The following COL5A1 variants were observed in gnomAD, a reference collection of about 807,000 sequenced individuals.
The protein encoded by COL5A1 is collagen type V alpha 1 chain.
A neutral mutation model predicts 263.7 loss-of-function variants in COL5A1; 16 were observed. The ratio of observed to expected loss-of-function variants is 0.06; its 90% CI spans 0.04 to 0.09. The LOEUF (loss-of-function observed/expected upper bound fraction) is 0.09. Ranked by LOEUF, COL5A1 falls within the 10% of genes least tolerant of loss-of-function variation. The probability of loss-of-function intolerance (pLI) is 1.00; values close to 1 mark genes in which losing one functional copy is unlikely to be tolerated. For synonymous variants in COL5A1, 1,012 were observed against 1,004.5 expected (o/e 1.01, Z -0.14); for missense variants, 2,036 against 2,540.5 (o/e 0.80, Z 4.27).
intron 1 of COL5A1, among the ~76,000 whole-genome samples, chr9:134,685,875 C>T (rs1448100809): frequency 6.6e-6 from 1 of 151,012 alleles, no homozygotes; most frequent in African/African-American, 2.4e-5. Flanking sequence ...CGTCCATCAT[C>T]CATCCATCCA....
At position 134,699,301 on chromosome 9, in the gene COL5A1, A is replaced by AT. The variant is rs532667997; in HGVS notation, c.278-601dup. ...CCTCCCGTTAACATACTAGGGATAT[A>AT]TTTTTTTCTAATTTTAAATTTGGAT... On this transcript the variant is annotated intron_variant, in intron 2 of 65. Transcript: ENST00000371817. 1.8e-4 allele frequency among the ~76,000 whole-genome samples: 27 copies of AT among 152,184 alleles called. No homozygotes were observed. In the East Asian group the frequency reaches 2.3e-3, roughly 13 times the overall value.
intron 25 of COL5A1, among the ~76,000 whole-genome samples, chr9:134,769,775 C>T (rs555156094): frequency 2.2e-3 from 331 of 151,432 alleles, no homozygotes; most frequent in South Asian, 5.5e-3. Flanking sequence ...TTTCCTTCTG[C>T]GGGGAGGAAG....
intron 19 of COL5A1, among the ~76,000 whole-genome samples, chr9:134,763,358 A>G (rs1284795966): frequency 6.6e-6 from 1 of 152,208 alleles, no homozygotes; most frequent in Non-Finnish European, 1.5e-5. Flanking sequence ...CTCTCCCCTG[A>G]TGCCCTGTCC....
At chr9:134,823,388 A>G (rs1839105159) in intron 60 of COL5A1, 28 bp from the exon 61 acceptor site, 8 of 1,613,692 alleles carry the variant, frequency 5.0e-6, no homozygotes, top group Non-Finnish European at 6.8e-6. Flanking sequence ...CTCTGTGACC[A>G]AGGGTTGATT....
In COL5A1 at chr9:134,815,609, C is replaced by G. The variant is rs762699995; in HGVS notation, c.4048C>G (p.Pro1350Ala). Reference protein sequence around the residue: ...PVGFPGDPGPPGEPGPAGQDG... With the variant: ...PVGFPGDPGPAGEPGPAGQDG... ...GGGTTTTCCTGGAGATCCTGGCCCC[C>G]CCGGAGAGCCTGGCCCCGCGGTAGG... The change falls in exon 51 of 66, where the codon CCC becomes GCC. Residue 1350 changes from proline (P) to alanine (A), a missense_variant. Physicochemically the swap from Pro to Ala is conservative, Grantham distance 27. Coordinates refer to ENST00000371817, the MANE Select transcript of COL5A1 (RefSeq NM_000093.5). The G allele has an allele frequency of 1.5e-5, 25 of 1,613,812 alleles. No individual in the cohort carries two copies. The East Asian group carries it at 2.7e-4, about 17-fold the overall frequency.
chr9:134,667,262 T>C (rs1483329671), intron 1 of COL5A1, among the ~76,000 whole-genome samples: 2 of 152,232 alleles, frequency 1.3e-5, no homozygotes, highest in African/African-American at 4.8e-5. Context: ...GGCAGCATCC[T>C]GGCCATGCAT....
At chr9:134,813,050 G>A (rs560697269) in intron 48 of COL5A1, among the ~76,000 whole-genome samples, 3 of 152,230 alleles carry the variant, frequency 2.0e-5, no homozygotes, top group East Asian at 3.9e-4. Flanking sequence ...ACTCAGCTCT[G>A]GTGGAGATCA....
chr9:134,809,114 T>C, intron 42 of COL5A1, 69 bp from the exon 43 acceptor site: 1 of 1,290,920 alleles, frequency 7.7e-7, no homozygotes, highest in African/African-American at 1.5e-5. Context: ...CTCTCTTGGG[T>C]AATGAGCTGG....
At chr9:134,659,190 G>A (rs1325755929) in intron 1 of COL5A1, among the ~76,000 whole-genome samples, 1 of 152,100 alleles carries the variant, frequency 6.6e-6, no homozygotes, top group African/African-American at 2.4e-5. Context: ...TCAGGAATTT[G>A]AGACTGGCCA....
chr9:134,821,879 G>T lies in COL5A1; in HGVS notation c.4555-218G>T, dbSNP rs1052226932. Among the ~76,000 whole-genome samples, 1 of 152,240 alleles carries T rather than the reference G, an allele frequency of 6.6e-6. No homozygotes were observed. The highest frequency in any genetic ancestry group is 2.1e-4 in the South Asian group (1 of 4,836). On this transcript the variant is annotated intron_variant, in intron 58 of 65. Transcript: ENST00000371817. This position sits in a 1 kb window ranked among gnomAD's most constrained non-coding sequence, Gnocchi z 4.2. The stretch of plus-strand genomic sequence containing the variant: ...GCAGCCCAGCCGGGGGAGCAGTGCC[G>T]AGGGCTGGCAGCCTTGGGGTGGATG...
chr9:134,779,616 G>A (rs374522096), intron 27 of COL5A1, among the ~76,000 whole-genome samples: 14 of 152,154 alleles, frequency 9.2e-5, no homozygotes, highest in African/African-American at 1.2e-4. Context: ...AAGGGTTGTC[G>A]TCCTCTCCAC....
At chr9:134,662,142 C>CAAAA (rs34491867) in intron 1 of COL5A1, among the ~76,000 whole-genome samples, 3 of 121,234 alleles carry the variant, frequency 2.5e-5, no homozygotes, top group South Asian at 2.8e-4. Flanking sequence ...ATATCTTGGC[C>CAAAA]AAAAAAAAAA....
In COL5A1 at chr9:134,835,132, C is replaced by T. The variant is rs1231716528; in HGVS notation, c.5298C>T (p.Phe1766=). ...ATGSYDKALR[F]LGSNDEEMSY... ...GCAGCTACGACAAGGCCCTCCGCTTCCTGGGCTCCAACGACGAGGAGATGT... is the reference window on the plus strand; with the variant it reads ...GCAGCTACGACAAGGCCCTCCGCTTTCTGGGCTCCAACGACGAGGAGATGT... Residue 1766 remains phenylalanine (F), a synonymous_variant, in exon 65 of 66, where the codon TTC becomes TTT. Transcript: ENST00000371817. 2 of 1,613,772 alleles carry T rather than the reference C, an allele frequency of 1.2e-6. No homozygotes were observed. Among genetic ancestry groups the T allele is most frequent in the African/African-American group, 1.3e-5 (1 of 74,948 alleles).
At chr9:134,827,221 C>G (rs1839321423) in intron 63 of COL5A1, among the ~76,000 whole-genome samples, 1 of 152,206 alleles carries the variant, frequency 6.6e-6, no homozygotes, top group Admixed American at 6.5e-5. Flanking sequence ...CTACGTTCTC[C>G]CCAGGGACCG....
At chr9:134,714,036 G>A (rs1380255696) in intron 4 of COL5A1, among the ~76,000 whole-genome samples, 2 of 152,232 alleles carry the variant, frequency 1.3e-5, no homozygotes, top group African/African-American at 4.8e-5. Flanking sequence ...TGTTGCTTCT[G>A]TGCTGCCTCC....
At chr9:134,663,169 C>G (rs982721288) in intron 1 of COL5A1, among the ~76,000 whole-genome samples, 1 of 152,222 alleles carries the variant, frequency 6.6e-6, no homozygotes, top group Non-Finnish European at 1.5e-5. Flanking sequence ...GACGCAGCCC[C>G]TATCTGGAAG....
At position 134,785,077 on chromosome 9, in the gene COL5A1, T is replaced by C. The variant is rs775092962; in HGVS notation, c.2573T>C (p.Leu858Pro). 6.2e-7 allele frequency: 1 copy of C among 1,613,082 alleles called. No homozygotes were observed. Among genetic ancestry groups the C allele is most frequent in the South Asian group, 1.1e-5 (1 of 91,074 alleles). ...GGTCCCAATGGTGACCCCGGTCCTC[T>C]GGGACCCCCTGGGGAGAAGGTTTGT... Reference protein sequence around the residue: ...RGGPNGDPGPLGPPGEKGKLG... With the variant: ...RGGPNGDPGPPGPPGEKGKLG... The change falls in exon 30 of 66, where the codon CTG becomes CCG. Residue 858 changes from leucine to proline, a missense_variant. Leu to Pro is a moderately conservative substitution (Grantham distance 98). Coordinates refer to ENST00000371817, the MANE Select transcript of COL5A1 (RefSeq NM_000093.5).
chr9:134,658,511 A>T (rs1207138894), intron 1 of COL5A1, among the ~76,000 whole-genome samples: 1 of 151,848 alleles, frequency 6.6e-6, no homozygotes, highest in Non-Finnish European at 1.5e-5. Flanking sequence ...GGGCCCCTTC[A>T]CATGCATACG....
At chr9:134,694,232 CG>C (rs1833383106) in intron 2 of COL5A1, among the ~76,000 whole-genome samples, 1 of 152,246 alleles carries the variant, frequency 6.6e-6, no homozygotes, top group South Asian at 2.1e-4. Context: ...CCCTGGATCA[CG>C]GGGGTGGGGG....
Sources: allele counts gnomAD v4.1 joint callset (sites outside exome capture counted in the v4.1 genomes callset), GRCh38; gene constraint gnomAD v4.1.1; non-coding constraint Gnocchi (gnomAD v3.1); transcripts MANE v1.5; gene names NCBI Gene and HGNC (gene_info 2026-07-23, HGNC 2026-07-21).